The following MERTK variants were observed in gnomAD, a reference collection of about 807,000 sequenced individuals.
MERTK encodes the protein tyrosine-protein kinase Mer.
A neutral mutation model predicts 99.3 loss-of-function variants in MERTK; 69 were observed. The ratio of observed to expected loss-of-function variants is 0.70; its 90% confidence interval spans 0.57 to 0.85. The LOEUF is 0.85. Ranked by LOEUF, MERTK falls within the 40% of genes least tolerant of loss-of-function variation. The probability of loss-of-function intolerance (pLI) is 0.00; values close to 1 mark genes in which losing one functional copy is unlikely to be tolerated. For missense variants in MERTK, 1,125 were observed against 1,249.4 expected, an observed-to-expected ratio of 0.90 and a Z score of 1.50; for synonymous variants, 426 against 467.6, an observed-to-expected ratio of 0.91 and a Z score of 1.15.
chr2:111,899,557 G>A (rs1024848861), intron 1 of MERTK, among the ~76,000 whole-genome samples: 3 of 151,498 alleles, frequency 2.0e-5, no homozygotes, highest in African/African-American at 7.3e-5. Context: ...TCGCCCTGTC[G>A]CCCAGGCTGG....
chr2:111,922,852 T>C (rs1406809181), intron 1 of MERTK, among the ~76,000 whole-genome samples: 1 of 152,248 alleles, frequency 6.6e-6, no homozygotes, highest in Non-Finnish European at 1.5e-5. Context: ...ATTTGACAAG[T>C]GCTCAGCAAG....
intron 2 of MERTK, among the ~76,000 whole-genome samples, chr2:111,944,110 C>A (rs1224044126): frequency 1.3e-5 from 2 of 151,978 alleles, no homozygotes; most frequent in African/African-American, 4.8e-5. Context: ...ACCAGCCTGG[C>A]CAACATGGCA....
At chr2:112,002,338 T>C (rs1024087786) in intron 11 of MERTK, among the ~76,000 whole-genome samples, 9 of 152,196 alleles carry the variant, frequency 5.9e-5, no homozygotes, top group African/African-American at 2.2e-4. Context: ...ATTCTCTAGA[T>C]GTTTCCTGTG....
intron 1 of MERTK, among the ~76,000 whole-genome samples, chr2:111,907,655 C>T (rs1684161384): frequency 7.0e-6 from 1 of 143,540 alleles, no homozygotes. Context: ...TGGAGTGGGG[C>T]ATATCCCCCC....
chr2:111,965,141 C>A, intron 4 of MERTK, 50 bp from the exon 5 acceptor site: 1 of 1,515,012 alleles, frequency 6.6e-7, no homozygotes, highest in Non-Finnish European at 9.2e-7. Flanking sequence ...TTGTAGTGAA[C>A]AGCAGCCTGT....
Position 111,975,897 on chromosome 2 carries a change from GATAGC to G in MERTK, c.1144+426_1144+430del, listed in dbSNP as rs1445889206. ...CCATTCAAGTCTGACACTACATGGA[GATAGC>G]TTCAGATCCCATAGGTTGAGGACTC... On this transcript the variant is annotated intron_variant, in intron 7 of 18. Coordinates refer to ENST00000295408, the MANE Select transcript of MERTK (RefSeq NM_006343.3). Among the ~76,000 whole-genome samples, 758 of 152,216 alleles carry G rather than the reference GATAGC, an allele frequency of 5.0e-3. 10 individuals are homozygous for G. The highest frequency in any genetic ancestry group is 0.018 in the African/African-American group (731 of 41,510).
chr2:111,941,414 C>G (rs557825602), intron 2 of MERTK, among the ~76,000 whole-genome samples: 1 of 152,166 alleles, frequency 6.6e-6, no homozygotes, highest in Non-Finnish European at 1.5e-5. Context: ...GCCGGGGGCC[C>G]GGTTAGGAAA....
chr2:111,965,982 CCTT>C (rs1282915497), intron 5 of MERTK, among the ~76,000 whole-genome samples: 1 of 152,146 alleles, frequency 6.6e-6, no homozygotes, highest in Non-Finnish European at 1.5e-5. Flanking sequence ...ACCTTATTCT[CCTT>C]CTGTGTGATC....
chr2:111,904,877 G>A (rs1684108976), intron 1 of MERTK, among the ~76,000 whole-genome samples: 1 of 152,260 alleles, frequency 6.6e-6, no homozygotes, highest in Non-Finnish European at 1.5e-5. Context: ...TAATGGCATG[G>A]GTGAGCCAAC....
intron 1 of MERTK, among the ~76,000 whole-genome samples, chr2:111,918,931 C>T (rs1320806376): frequency 4.6e-5 from 7 of 152,288 alleles, no homozygotes; most frequent in Middle Eastern, 6.8e-3. Context: ...GGGGACTCAG[C>T]ATCTCTTCTG....
At chr2:111,940,982 A>G (rs1684855838) in intron 2 of MERTK, 2 of 607,046 alleles carry the variant, frequency 3.3e-6, no homozygotes, top group Non-Finnish European at 6.4e-6. Flanking sequence ...TCATCTTTGC[A>G]GTTGAAACCG....
At chr2:111,969,689 C>CTTT (rs35055243) in intron 6 of MERTK, among the ~76,000 whole-genome samples, 2 of 119,162 alleles carry the variant, frequency 1.7e-5, no homozygotes, top group African/African-American at 3.3e-5. Context: ...TCCAGCCTTT[C>CTTT]TTTTTTTTTT....
At chr2:112,014,887 C>T (rs1677186778) in intron 15 of MERTK, among the ~76,000 whole-genome samples, 1 of 152,126 alleles carries the variant, frequency 6.6e-6, no homozygotes, top group Non-Finnish European at 1.5e-5. Flanking sequence ...GATCCACCCG[C>T]TTTGGCCTCC....
intron 15 of MERTK, among the ~76,000 whole-genome samples, chr2:112,014,427 G>A (rs1010940999): frequency 2.0e-5 from 3 of 152,004 alleles, no homozygotes; most frequent in African/African-American, 7.2e-5. Flanking sequence ...GCCTCCCGAA[G>A]TGCTGGGATG....
Position 111,898,682 on chromosome 2 carries a change from G to A in MERTK, c.-54G>A. On this transcript the variant is annotated 5_prime_UTR_variant, in exon 1 of 19. Coordinates refer to ENST00000295408, the MANE Select transcript of MERTK (RefSeq NM_006343.3). Reference sequence around the variant, plus strand: ...CTTGGCCGGCGACAGGACAGGTTCGGGACGTCCATCTGTCCATCCGTCCGG... The same window carrying A: ...CTTGGCCGGCGACAGGACAGGTTCGAGACGTCCATCTGTCCATCCGTCCGG... 3.2e-6 allele frequency: 5 copies of A among 1,574,742 alleles called. No individual in the cohort carries two copies. The highest frequency in any genetic ancestry group is 4.3e-6 in the Non-Finnish European group (5 of 1,157,448).
At chr2:111,931,382 T>C (rs935240690) in intron 2 of MERTK, among the ~76,000 whole-genome samples, 1 of 152,204 alleles carries the variant, frequency 6.6e-6, no homozygotes. Flanking sequence ...AAAAAGCAGA[T>C]GTCTTACAAT....
Position 112,003,123 on chromosome 2 carries a change from A to G in MERTK, c.1722A>G (p.Gln574=). 1 of 1,601,110 alleles carries G rather than the reference A, an allele frequency of 6.2e-7. No individual in the cohort carries two copies. Among genetic ancestry groups the G allele is most frequent in the African/African-American group, 1.3e-5 (1 of 74,776 alleles). The change falls in exon 12 of 19, where the codon CAA becomes CAG. Residue 574 remains glutamine, a synonymous_variant. Coordinates refer to ENST00000295408, the MANE Select transcript of MERTK (RefSeq NM_006343.3). ...LHSLGVSEEL[Q]NKLEDVVIDR... ...GCTTGGGAGTCAGTGAGGAACTACA[A>G]AATAAACTAGAAGATGTTGTGATTG...
At chr2:111,927,662 G>C (rs941302851) in intron 1 of MERTK, among the ~76,000 whole-genome samples, 1 of 152,112 alleles carries the variant, frequency 6.6e-6, no homozygotes, top group East Asian at 1.9e-4. Context: ...GAGCAAGAAG[G>C]CCCTGTTTGT....
chr2:111,898,656 G>C lies in MERTK; in HGVS notation c.-80G>C, dbSNP rs1683970683. ...CCCGGACAGGGAGCTTCGCTGGCGC[G>C]CTTGGCCGGCGACAGGACAGGTTCG... On this transcript the variant is annotated 5_prime_UTR_variant, in exon 1 of 19. Transcript: ENST00000295408. The C allele has an allele frequency of 2.0e-6, 3 of 1,519,696 alleles. No individual in the cohort carries two copies. Among genetic ancestry groups the C allele is most frequent in the East Asian group, 2.4e-5 (1 of 41,356 alleles). 94.1% of individuals were successfully genotyped at this position (1,519,696 alleles called of 1,614,324 possible). A position where few individuals can be genotyped will look rare whatever the true frequency, so the allele number is the denominator to read the frequency against.
Sources: gnomAD v4.1 joint callset for allele counts (sites outside exome capture counted in the v4.1 genomes callset) on GRCh38, gnomAD v4.1.1 for gene constraint, MANE v1.5 for transcripts, NCBI Gene and HGNC (gene_info 2026-07-23, HGNC 2026-07-21) for gene names.